Variants in DNAH17 observed in about 807,000 individuals in gnomAD.
DNAH17 encodes dynein axonemal heavy chain 17.
Under a neutral mutation model 485.6 loss-of-function variants are expected in DNAH17, and 376 were observed. That is an observed-to-expected ratio of 0.77 (90% CI 0.71 to 0.84). The LOEUF is 0.84. DNAH17 is among the 40% of genes least tolerant of loss of function. The pLI, the probability that DNAH17 is intolerant of heterozygous loss-of-function variation, is 0.00. For missense variants in DNAH17, 6,370 were observed against 5,839.3 expected (o/e 1.09, Z -2.96); for synonymous variants, 3,031 against 2,405.9 (o/e 1.26, Z -7.60).
At chr17:78,432,561 C>T (rs1166826603) in intron 75 of DNAH17, among the ~76,000 whole-genome samples, 4 of 152,202 alleles carry the variant, frequency 2.6e-5, no homozygotes, top group Non-Finnish European at 4.4e-5. Context: ...TCGCCAGCAG[C>T]GATCCTGGGA....
intron 71 of DNAH17, 80 bp downstream of exon 71, chr17:78,444,524 A>T (rs997621474): frequency 3.4e-5 from 46 of 1,347,778 alleles, no homozygotes; most frequent in Non-Finnish European, 4.5e-5. Flanking sequence ...GTCCACAGAG[A>T]GTCTAGCACA....
chr17:78,510,639 T>C (rs1334517883), intron 26 of DNAH17, 133 bp from the exon 27 acceptor site: 1 of 1,203,144 alleles, frequency 8.3e-7, no homozygotes, highest in Non-Finnish European at 1.2e-6. Context: ...AGGCGAGCTC[T>C]GCTCTGCCAT....
At position 78,454,541 on chromosome 17, in the gene DNAH17, C is replaced by G. The variant is rs769275148; in HGVS notation, c.10335G>C (p.Gln3445His). ...TTTTGATCCACTTGATTCCTTGGAG[C>G]TGGGCGTCCACGATCAGCGGCCACC... ...TERWPLIVDA[Q>H]LQGIKWIKNK... The change falls in exon 64 of 81, where the codon CAG becomes CAC. Residue 3445 changes from glutamine (Q) to histidine (H), a missense_variant. Transcript: ENST00000389840. The G allele has an allele frequency of 5.0e-6, 8 of 1,613,338 alleles. No individual in the cohort carries two copies. Among genetic ancestry groups the G allele is most frequent in the Non-Finnish European group, 6.8e-6 (8 of 1,179,852 alleles).
At chr17:78,472,686 C>T in intron 54 of DNAH17, 1 of 452,274 alleles carries the variant, frequency 2.2e-6, no homozygotes, top group Non-Finnish European at 4.4e-6. Flanking sequence ...TCCTGGACCC[C>T]AGCCGAGTCC....
At chr17:78,442,178 G>A (rs2087102520) in intron 71 of DNAH17, among the ~76,000 whole-genome samples, 1 of 152,208 alleles carries the variant, frequency 6.6e-6, no homozygotes, top group African/African-American at 2.4e-5. Flanking sequence ...CTCGTCCCTG[G>A]GCAGGTGAAC....
intron 19 of DNAH17, among the ~76,000 whole-genome samples, chr17:78,535,201 T>C (rs1404880447): frequency 6.6e-6 from 1 of 152,138 alleles, no homozygotes; most frequent in Non-Finnish European, 1.5e-5. Context: ...GCAGCCTGCT[T>C]TGGGGACAGT....
intron 6 of DNAH17, 116 bp from the exon 7 acceptor site, chr17:78,570,488 A>T (rs2092336078): frequency 3.0e-6 from 4 of 1,314,114 alleles, no homozygotes; most frequent in Non-Finnish European, 4.1e-6. Context: ...GGGTTCCCAA[A>T]GAGGAGGGGA....
At chr17:78,560,698 TCC>T in intron 13 of DNAH17, 40 bp downstream of exon 13, 1 of 1,506,594 alleles carries the variant, frequency 6.6e-7, no homozygotes, top group East Asian at 2.5e-5. Flanking sequence ...CTCCCCCCGC[TCC>T]CAAGGAGCCT....
At chr17:78,567,553 C>T (rs77386553) in intron 9 of DNAH17, among the ~76,000 whole-genome samples, 3,210 of 152,232 alleles carry the variant, frequency 0.021, 95 homozygotes, top group African/African-American at 0.062. Context: ...ATTTCTGATG[C>T]TCTTGCTAAG....
At chr17:78,521,619 G>C (rs1050415182) in intron 25 of DNAH17, among the ~76,000 whole-genome samples, 1 of 152,048 alleles carries the variant, frequency 6.6e-6, no homozygotes, top group Non-Finnish European at 1.5e-5. Flanking sequence ...TCTAGGAAAA[G>C]AGTTCATAAT....
intron 3 of DNAH17, 88 bp from the exon 4 acceptor site, chr17:78,571,870 A>G: frequency 2.3e-6 from 3 of 1,279,204 alleles, no homozygotes; most frequent in South Asian, 1.5e-5. Context: ...CTGCCCACCA[A>G]TCCCAAACCA....
At chr17:78,481,526 G>A (rs2089350913) in intron 48 of DNAH17, among the ~76,000 whole-genome samples, 1 of 152,166 alleles carries the variant, frequency 6.6e-6, no homozygotes, top group African/African-American at 2.4e-5. Flanking sequence ...CTTCCCCTAA[G>A]CAGTGCTGGG....
At chr17:78,473,531 G>A (rs138600034) in intron 54 of DNAH17, among the ~76,000 whole-genome samples, 4,766 of 130,478 alleles carry the variant, frequency 0.037, 274 homozygotes, top group African/African-American at 0.13. Flanking sequence ...GCGACAGAGT[G>A]AGACTCTGTC....
At chr17:78,505,830 T>C (rs188071296) in intron 30 of DNAH17, among the ~76,000 whole-genome samples, 6 of 151,984 alleles carry the variant, frequency 3.9e-5, no homozygotes, top group Admixed American at 6.6e-5. Context: ...AATACAAACT[T>C]AGCCAGACGT....
At position 78,475,706 on chromosome 17, in the gene DNAH17, A is replaced by G. The variant is rs1240758511; in HGVS notation, c.8282T>C (p.Leu2761Pro). The change falls in exon 53 of 81, where the codon CTG becomes CCG. Residue 2761 changes from leucine (L) to proline (P), a missense_variant. Leu to Pro is a moderately conservative substitution (Grantham distance 98). Coordinates refer to ENST00000389840, the MANE Select transcript of DNAH17 (RefSeq NM_173628.4). ...TGCATTAACTTCATTGTAGCTGTCC[A>G]GGACGTCCACGAGGAGCTTGTTCAG... ...APLNKLLVDVLDSYNEVNAVM... is the reference protein window; with the variant it reads ...APLNKLLVDVPDSYNEVNAVM... 1 of 1,613,942 alleles carries G rather than the reference A, an allele frequency of 6.2e-7. No homozygotes were observed. Among genetic ancestry groups the G allele is most frequent in the Non-Finnish European group, 8.5e-7 (1 of 1,179,848 alleles).
chr17:78,492,621 C>T lies in DNAH17; in HGVS notation c.6541+12G>A, dbSNP rs1437045038. 3 of 1,613,310 alleles carry T rather than the reference C, an allele frequency of 1.9e-6. No homozygotes were observed. Among genetic ancestry groups the T allele is most frequent in the Admixed American group, 1.7e-5 (1 of 59,998 alleles). The stretch of plus-strand genomic sequence containing the variant: ...GTGCCCCTGCAGCCTGTCCCGGGAC[C>T]ACCCTCGTTACCATCTTTCCATTCC... On this transcript the variant is annotated intron_variant, in intron 42 of 80. Coordinates refer to ENST00000389840, the MANE Select transcript of DNAH17 (RefSeq NM_173628.4).
At position 78,566,629 on chromosome 17, in the gene DNAH17, G is replaced by A. The variant is rs1315973056; in HGVS notation, c.1554C>T (p.Ile518=). 2 of 1,607,452 alleles carry A rather than the reference G, an allele frequency of 1.2e-6. No homozygotes were observed. The highest frequency in any genetic ancestry group is 1.1e-5 in the South Asian group (1 of 89,440). ...FCQGFDDCSC[I]KSSAKLLYMC... Reference sequence around the variant, plus strand: ...GCATGCTTACCTTTGCGGAGGACTTGATACAGCTGCAGTCATCAAATCCTT... The same window carrying A: ...GCATGCTTACCTTTGCGGAGGACTTAATACAGCTGCAGTCATCAAATCCTT... Residue 518 remains isoleucine, a synonymous_variant, in exon 11 of 81, where the codon ATC becomes ATT. Coordinates refer to ENST00000389840, the MANE Select transcript of DNAH17 (RefSeq NM_173628.4).
chr17:78,570,886 G>GAAAAGAA (rs2092346101), intron 6 of DNAH17, 62 bp downstream of exon 6: 3 of 510,538 alleles, frequency 5.9e-6, no homozygotes, highest in Non-Finnish European at 9.0e-6. Context: ...AAAGAAAAAA[G>GAAAAGAA]AAAAGAAAAG....
At chr17:78,540,215 GT>G (rs1219150162) in intron 17 of DNAH17, among the ~76,000 whole-genome samples, 5 of 53,218 alleles carry the variant, frequency 9.4e-5, no homozygotes, top group South Asian at 1.2e-3. Flanking sequence ...TATTTTATTT[GT>G]CTTTGTCTTT....
Sources: gnomAD v4.1 joint callset for allele counts (sites outside exome capture counted in the v4.1 genomes callset) on GRCh38, gnomAD v4.1.1 for gene constraint, MANE v1.5 for transcripts, NCBI Gene and HGNC (gene_info 2026-07-23, HGNC 2026-07-21) for gene names.